IGF2R: variants seen among roughly 807,000 people sequenced by gnomAD.
The protein encoded by IGF2R is insulin like growth factor 2 receptor.
In IGF2R, 91 loss-of-function variants were observed where a neutral mutation model predicts 270.6. The ratio of observed to expected loss-of-function variants is 0.34; its 90% confidence interval spans 0.28 to 0.40. The LOEUF is 0.40. Ranked by LOEUF, IGF2R falls within the 10% of genes least tolerant of loss-of-function variation. The probability of loss-of-function intolerance (pLI) is 1.00; values close to 1 mark genes in which losing one functional copy is unlikely to be tolerated. For missense variants in IGF2R, 2,805 were observed against 3,188.3 expected (o/e 0.88, Z 2.90); for synonymous variants, 1,316 against 1,258.9 (o/e 1.05, Z -0.96).
intron 44 of IGF2R, among the ~76,000 whole-genome samples, chr6:160,091,511 G>C (rs1017238056): frequency 6.6e-6 from 1 of 152,236 alleles, no homozygotes; most frequent in Non-Finnish European, 1.5e-5. Flanking sequence ...TGGTGCATCT[G>C]CTCATAGCAC....
In IGF2R at chr6:160,009,007, T is replaced by G; in HGVS notation, c.290-3T>G. 1 of 1,613,856 alleles carries G rather than the reference T, an allele frequency of 6.2e-7. No individual in the cohort carries two copies. The highest frequency in any genetic ancestry group is 1.1e-5 in the South Asian group (1 of 91,046). ...CTGTTCACTCTCTTTTCTCTCCAAA[T>G]AGGTGACTCTGTTTTGAGAAGTGCA... On this transcript the variant is annotated splice_region_variant and splice_polypyrimidine_tract_variant and intron_variant, in intron 2 of 47. Coordinates refer to ENST00000356956, the MANE Select transcript of IGF2R (RefSeq NM_000876.4).
At chr6:160,083,194 A>G (rs887884047) in intron 39 of IGF2R, among the ~76,000 whole-genome samples, 36 of 152,220 alleles carry the variant, frequency 2.4e-4, no homozygotes, top group African/African-American at 8.7e-4. Context: ...AAGAATCTAT[A>G]TCATAATTAA....
chr6:160,075,926 C>G lies in IGF2R; in HGVS notation c.5246C>G (p.Pro1749Arg). Reference sequence around the variant, plus strand: ...TACTTGAATTTTGAAAGCAGTACTCCTTGCTTAGCGGACAAGCATTTCAAC... The same window carrying G: ...TACTTGAATTTTGAAAGCAGTACTCGTTGCTTAGCGGACAAGCATTTCAAC... ...EIYLNFESST[P>R]CLADKHFNYT... The change falls in exon 36 of 48, where the codon CCT (proline) becomes CGT (arginine). Residue 1749 changes from proline to arginine, a missense_variant. Physicochemically the swap from Pro to Arg is moderately radical, Grantham distance 103. Around this residue, in one of 2 missense-constraint regions of IGF2R, gnomAD observed 1,851 missense variants for 2,207.2 expected, o/e 0.84. Coordinates refer to ENST00000356956, the MANE Select transcript of IGF2R (RefSeq NM_000876.4). 6.2e-7 allele frequency: 1 copy of G among 1,614,014 alleles called. No individual in the cohort carries two copies. Among genetic ancestry groups the G allele is most frequent in the Non-Finnish European group, 8.5e-7 (1 of 1,179,850 alleles).
At chr6:160,048,664 G>A in intron 18 of IGF2R, 121 bp downstream of exon 18, 2 of 946,930 alleles carry the variant, frequency 2.1e-6, no homozygotes, top group Non-Finnish European at 3.1e-6. Flanking sequence ...GAAACCCTCT[G>A]AGTAGGAGTG....
At chr6:160,035,914 GTGC>G (rs1777810342) in intron 10 of IGF2R, among the ~76,000 whole-genome samples, 1 of 152,182 alleles carries the variant, frequency 6.6e-6, no homozygotes, top group African/African-American at 2.4e-5. Flanking sequence ...AGAGGAGGAA[GTGC>G]TGCCTGAGCC....
intron 2 of IGF2R, among the ~76,000 whole-genome samples, chr6:159,995,001 T>C (rs1784030610): frequency 6.6e-6 from 1 of 152,142 alleles, no homozygotes; most frequent in Non-Finnish European, 1.5e-5. Flanking sequence ...TTGTTGATTT[T>C]CTGTGTTGAT....
In IGF2R at chr6:160,045,830, T is replaced by C. The variant is rs1778056930; in HGVS notation, c.1851T>C (p.Cys617=). 2 of 1,612,106 alleles carry C rather than the reference T, an allele frequency of 1.2e-6. No homozygotes were observed. The highest frequency in any genetic ancestry group is 2.2e-5 in the South Asian group (2 of 90,824). Residue 617 remains cysteine (C), a synonymous_variant, in exon 14 of 48, where the codon TGT becomes TGC. Coordinates refer to ENST00000356956, the MANE Select transcript of IGF2R (RefSeq NM_000876.4). ...YEFEWHTAAA[C]VLSKTEGENC... ...TTGAGTGGCACACAGCTGCGGCCTG[T>C]GTGCTGTCTAAGACAGAAGGGGAGA...
intron 2 of IGF2R, chr6:160,007,000 T>C (rs1784251779): frequency 6.6e-6 from 1 of 152,136 alleles, no homozygotes; most frequent in Non-Finnish European, 1.5e-5. Context: ...GTGTAACTTT[T>C]TGGGACTTAA....
At position 160,072,050 on chromosome 6, in the gene IGF2R, C is replaced by T; in HGVS notation, c.4570+14C>T. The T allele has an allele frequency of 1.2e-6, 2 of 1,613,958 alleles. No homozygotes were observed. On this transcript the variant is annotated intron_variant, in intron 32 of 47. Coordinates refer to ENST00000356956, the MANE Select transcript of IGF2R (RefSeq NM_000876.4). Reference sequence around the variant, plus strand: ...ACCCAAGCACAGGTGAGAGGTGGTGCCAGTCGTTAACCCCAGCGCAGGTGA... The same window carrying T: ...ACCCAAGCACAGGTGAGAGGTGGTGTCAGTCGTTAACCCCAGCGCAGGTGA...
In IGF2R at chr6:160,069,744, T is replaced by C. The variant is rs1000536008; in HGVS notation, c.4253-124T>C. ...CTTATGTGAAAGAAATAGCAGGTAT[T>C]TTGAAGTGACTCTTAGAAAGCGTAT... On this transcript the variant is annotated intron_variant, in intron 30 of 47. Coordinates refer to ENST00000356956, the MANE Select transcript of IGF2R (RefSeq NM_000876.4). The C allele has an allele frequency of 1.4e-5, 11 of 804,896 alleles. No individual in the cohort carries two copies. In the Admixed American group the frequency reaches 2.2e-4, roughly 16 times the overall value. The allele number at this position is 804,896 out of a possible 1,614,324, so 49.9% of individuals were successfully genotyped here.
chr6:160,012,763 ATTTTTT>A (rs370417751), intron 4 of IGF2R, among the ~76,000 whole-genome samples: 24,311 of 127,960 alleles, frequency 0.19, 3,001 homozygotes, highest in Non-Finnish European at 0.21. Flanking sequence ...ATATATATAT[ATTTTTT>A]TTTTTTTTTG....
intron 22 of IGF2R, among the ~76,000 whole-genome samples, chr6:160,059,473 A>G (rs1390561737): frequency 1.3e-5 from 2 of 152,204 alleles, no homozygotes; most frequent in African/African-American, 2.4e-5. Context: ...TGTGTATAGG[A>G]AACAGCATAG....
Position 160,104,898 on chromosome 6 carries a change from G to T in IGF2R, c.7290G>T (p.Glu2430Asp), listed in dbSNP as rs371603976. 1 of 1,614,022 alleles carries T rather than the reference G, an allele frequency of 6.2e-7. No homozygotes were observed. The highest frequency in any genetic ancestry group is 2.2e-5 in the East Asian group (1 of 44,888). ...KVHSGRGAGA[E>D]SSHPVRNAQS... ...ACTCGGGCAGGGGAGCTGGGGCAGA[G>T]AGCTCCCACCCAGTGAGAAACGCAC... Residue 2430 changes from glutamate to aspartate, a missense_variant, in exon 48 of 48, where the codon GAG becomes GAT. Glu to Asp is a conservative substitution (Grantham distance 45). Coordinates refer to ENST00000356956, the MANE Select transcript of IGF2R (RefSeq NM_000876.4).
chr6:160,045,612 T>C (rs1778051337), intron 13 of IGF2R, 133 bp from the exon 14 acceptor site: 2 of 1,070,928 alleles, frequency 1.9e-6, no homozygotes, highest in East Asian at 4.8e-5. Flanking sequence ...GTAGGGCTGT[T>C]TTTTGACCCT....
chr6:160,105,749 C>G lies in IGF2R; in HGVS notation c.*665C>G, dbSNP rs1779601749. On this transcript the variant is annotated 3_prime_UTR_variant, in exon 48 of 48. Coordinates refer to ENST00000356956, the MANE Select transcript of IGF2R (RefSeq NM_000876.4). The stretch of plus-strand genomic sequence containing the variant: ...ATACGTGCACAGGGTCCCCGAGTGC[C>G]TAGGTTTTGGAGAGTTTGCCTGTTC... The G allele has an allele frequency of 6.6e-6, 1 of 152,650 alleles. No homozygotes were observed. The highest frequency in any genetic ancestry group is 1.5e-5 in the Non-Finnish European group (1 of 68,066). 9.5% of individuals were successfully genotyped at this position (152,650 alleles called of 1,614,324 possible). A position where few individuals can be genotyped will look rare whatever the true frequency, so the allele number is the denominator to read the frequency against.
intron 41 of IGF2R, among the ~76,000 whole-genome samples, chr6:160,087,201 G>T: frequency 6.6e-6 from 1 of 152,236 alleles, no homozygotes; most frequent in Non-Finnish European, 1.5e-5. Context: ...GAAAACCACA[G>T]TTGGTTTCTG....
intron 4 of IGF2R, among the ~76,000 whole-genome samples, chr6:160,015,471 A>G (rs373624384): frequency 4.5e-4 from 68 of 152,024 alleles, no homozygotes; most frequent in African/African-American, 1.4e-3. Context: ...GGGTGCCCCT[A>G]CTTCATGAAA....
chr6:159,990,380 C>G (rs1013593744), intron 1 of IGF2R, among the ~76,000 whole-genome samples: 4 of 152,146 alleles, frequency 2.6e-5, no homozygotes, highest in Non-Finnish European at 1.5e-5. Context: ...CTCACGAGAT[C>G]TGATGGTTTT....
intron 2 of IGF2R, chr6:160,003,197 C>T (rs1041423318): frequency 6.6e-6 from 1 of 152,230 alleles, no homozygotes; most frequent in Non-Finnish European, 1.5e-5. Flanking sequence ...ACAGCAGGCA[C>T]TGGATTGATC....
Sources: allele counts gnomAD v4.1 joint callset (sites outside exome capture counted in the v4.1 genomes callset), GRCh38; gene constraint gnomAD v4.1.1; regional missense constraint gnomAD v4.1.1; transcripts MANE v1.5; gene names NCBI Gene and HGNC (gene_info 2026-07-23, HGNC 2026-07-21).